Variants in ZNF705B observed in about 807,000 individuals in gnomAD.
ZNF705B encodes the protein zinc finger protein 705B, also known as Putative zinc finger protein 705D-like protein LOC100132396.
Under a neutral mutation model 10.5 loss-of-function variants are expected in ZNF705B, and 1 was observed. That is an observed-to-expected ratio of 0.10 (90% CI 0.03 to 0.45). The LOEUF (loss-of-function observed/expected upper bound fraction) is 0.45, where lower values mean the gene tolerates loss of function less well. Ranked by LOEUF, ZNF705B falls within the 20% of genes least tolerant of loss-of-function variation. ZNF705B has a pLI of 0.97. For missense variants in ZNF705B, 14 were observed against 84.0 expected (o/e 0.17, Z 3.26); for synonymous variants, 4 against 25.4 (o/e 0.16, Z 2.53).
rs1345880283 is a variant in ZNF705B at position 7,941,027 on chromosome 8, T to G, written c.-71-6324T>G. Among the ~76,000 whole-genome samples the G allele has an allele frequency of 2.0e-5, 3 of 149,344 alleles. No homozygotes were observed. In the Admixed American group the frequency reaches 2.0e-4, roughly 10 times the overall value. On this transcript the variant is annotated intron_variant, in intron 2 of 6. Transcript: ENST00000400120. ...CTGCAAAGAACATGATCTCATTCCT[T>G]TTTATGGCTGCATAGTATTCCATGG...
At chr8:7,927,790 A>G (rs571265345) in intron 1 of ZNF705B, among the ~76,000 whole-genome samples, 3 of 147,854 alleles carry the variant, frequency 2.0e-5, no homozygotes, top group Non-Finnish European at 4.5e-5. Context: ...AATTGTCTCT[A>G]TTTTTGCAAA....
At position 7,932,341 on chromosome 8, in the gene ZNF705B, T is replaced by C. The variant is rs1205317493; in HGVS notation, c.-72+1905T>C. Among the ~76,000 whole-genome samples, 2 of 121,422 alleles carry C rather than the reference T, an allele frequency of 1.6e-5. 1 individual carries two copies. Among genetic ancestry groups the C allele is most frequent in the Non-Finnish European group, 4.0e-5 (2 of 50,598 alleles). 79.7% of individuals were successfully genotyped at this position (121,422 alleles called of 152,430 possible). On this transcript the variant is annotated intron_variant, in intron 2 of 6. Coordinates refer to ENST00000400120, the MANE Select transcript of ZNF705B (RefSeq NM_001193630.1). ...TCCTCGTCAATTTGCTGCTGAATTC[T>C]AGTGCCCTCTTTCGTGCCCTCTTCA...
At chr8:7,932,098 C>T (rs1460072771) in intron 2 of ZNF705B, among the ~76,000 whole-genome samples, 1 of 120,682 alleles carries the variant, frequency 8.3e-6, no homozygotes, top group Admixed American at 9.5e-5. Context: ...GGGACAATGA[C>T]CATCACATAG....
chr8:7,938,955 TC>T (rs1820090012), intron 2 of ZNF705B, among the ~76,000 whole-genome samples: 7 of 76,394 alleles, frequency 9.2e-5, no homozygotes, highest in African/African-American at 2.7e-4. Flanking sequence ...AGACTGAGAA[TC>T]CTTTTTTTTT....
At chr8:7,928,297 G>T (rs1230009385) in intron 1 of ZNF705B, among the ~76,000 whole-genome samples, 1 of 120,422 alleles carries the variant, frequency 8.3e-6, no homozygotes, top group Non-Finnish European at 2.0e-5. Flanking sequence ...ACAGATGAAT[G>T]GGGAGACAGA....
At chr8:7,935,655 CA>C (rs1483014831) in intron 2 of ZNF705B, among the ~76,000 whole-genome samples, 1 of 113,636 alleles carries the variant, frequency 8.8e-6, no homozygotes, top group African/African-American at 2.6e-5. Context: ...TCAATGGTCA[CA>C]AAGCAGTTAG....
chr8:7,936,890 T>C lies in ZNF705B; in HGVS notation c.-72+6454T>C, dbSNP rs1484924857. On this transcript the variant is annotated intron_variant, in intron 2 of 6. Coordinates refer to ENST00000400120, the MANE Select transcript of ZNF705B (RefSeq NM_001193630.1). ...TAAAGGTTGAAGTTATTTTTAAAAA[T>C]TGAAATTACAAAAGACTTTTTAAAA... 1.7e-5 allele frequency among the ~76,000 whole-genome samples: 2 copies of C among 119,650 alleles called. 1 individual carries two copies. Among genetic ancestry groups the C allele is most frequent in the Non-Finnish European group, 4.0e-5 (2 of 50,294 alleles). 78.5% of individuals were successfully genotyped at this position (119,650 alleles called of 152,430 possible).
In ZNF705B at chr8:7,932,187, A is replaced by G. The variant is rs1329910878; in HGVS notation, c.-72+1751A>G. On this transcript the variant is annotated intron_variant, in intron 2 of 6. Transcript: ENST00000400120. ...TCCCTTGGCTAGGATTGCAGTGTCC[A>G]CAGTGGGAATATGGACCACTGGGGC... Among the ~76,000 whole-genome samples, 2 of 121,214 alleles carry G rather than the reference A, an allele frequency of 1.6e-5. 1 individual carries two copies. Among genetic ancestry groups the G allele is most frequent in the Non-Finnish European group, 4.0e-5 (2 of 50,484 alleles). The allele number at this position is 121,214 out of a possible 152,430, so 79.5% of individuals were successfully genotyped here.
intron 2 of ZNF705B, among the ~76,000 whole-genome samples, chr8:7,931,089 G>A (rs1474388028): frequency 1.7e-4 from 20 of 120,032 alleles, no homozygotes; most frequent in African/African-American, 5.0e-4. Context: ...CCGACCTCGG[G>A]TGATCTGCCC....
intron 1 of ZNF705B, among the ~76,000 whole-genome samples, chr8:7,927,761 A>T (rs1819738020): frequency 6.8e-6 from 1 of 147,784 alleles, no homozygotes; most frequent in African/African-American, 2.4e-5. Flanking sequence ...GAGCTCTTTT[A>T]TTCTTAGGTA....
At chr8:7,946,557 TCTCA>T (rs1373870143) in intron 2 of ZNF705B, among the ~76,000 whole-genome samples, 645 of 11,362 alleles carry the variant, frequency 0.057, 15 homozygotes, top group Non-Finnish European at 0.11. Flanking sequence ...TGAGACAGAG[TCTCA>T]CTCTGTCGCC....
intron 1 of ZNF705B, among the ~76,000 whole-genome samples, chr8:7,929,584 G>C (rs1259399245): frequency 8.1e-6 from 1 of 123,472 alleles, no homozygotes; most frequent in African/African-American, 2.5e-5. Context: ...ACTTGGATCT[G>C]TAATCATGAG....
At chr8:7,930,088 G>A (rs947101402) in intron 1 of ZNF705B, among the ~76,000 whole-genome samples, 199 bp from the exon 2 acceptor site, 4 of 108,030 alleles carry the variant, frequency 3.7e-5, no homozygotes, top group African/African-American at 1.1e-4. Context: ...TCATTACCCT[G>A]GTACTGAACA....
Position 7,944,963 on chromosome 8 carries a change from T to G in ZNF705B, c.-71-2388T>G, listed in dbSNP as rs1461154146. Reference sequence around the variant, plus strand: ...CCAGCCTGGGCAACAGGAGTGAAACTCTACCAAAAAAAAAAAAAAAAGAGA... The same window carrying G: ...CCAGCCTGGGCAACAGGAGTGAAACGCTACCAAAAAAAAAAAAAAAAGAGA... On this transcript the variant is annotated intron_variant, in intron 2 of 6. Transcript: ENST00000400120. Among the ~76,000 whole-genome samples, 70 of 36,796 alleles carry G rather than the reference T, an allele frequency of 1.9e-3. 2 individuals are homozygous for G. Among genetic ancestry groups the G allele is most frequent in the African/African-American group, 3.5e-3 (69 of 19,638 alleles). The allele number at this position is 36,796 out of a possible 152,430, so 24.1% of individuals were successfully genotyped here.
intron 2 of ZNF705B, among the ~76,000 whole-genome samples, chr8:7,935,392 C>A (rs1819983521): frequency 6.8e-6 from 1 of 147,302 alleles, no homozygotes; most frequent in Non-Finnish European, 1.5e-5. Context: ...GGATAGGCCA[C>A]ACACTCTGAG....
rs1162997944 is a variant in ZNF705B, at chr8:7,933,929, C to CT, written c.-72+3522dup. On this transcript the variant is annotated intron_variant, in intron 2 of 6. Coordinates refer to ENST00000400120, the MANE Select transcript of ZNF705B (RefSeq NM_001193630.1). Reference sequence around the variant, plus strand: ...ATCAAGTCATAACATGTAATATAAACTTTTTTTTTTTTTTTTTTTTTTTTT... The same window carrying CT: ...ATCAAGTCATAACATGTAATATAAACTTTTTTTTTTTTTTTTTTTTTTTTTT... 6.6e-3 allele frequency among the ~76,000 whole-genome samples: 193 copies of CT among 29,364 alleles called. 13 individuals are homozygous for CT. The highest frequency in any genetic ancestry group is 0.01 in the African/African-American group (134 of 12,816). 19.3% of individuals were successfully genotyped at this position (29,364 alleles called of 152,430 possible).
chr8:7,931,748 A>T (rs1255003510), intron 2 of ZNF705B, among the ~76,000 whole-genome samples: 1 of 130,604 alleles, frequency 7.7e-6, no homozygotes, highest in Non-Finnish European at 1.8e-5. Flanking sequence ...TGGGAAGGTG[A>T]CTCTCCACTT....
chr8:7,931,846 G>T lies in ZNF705B; in HGVS notation c.-72+1410G>T, dbSNP rs532024807. The stretch of plus-strand genomic sequence containing the variant: ...CCAGTTCCCTGGAGTGTAGGACACT[G>T]TGTAGGCTAGAGTGATGGGGACCAA... On this transcript the variant is annotated intron_variant, in intron 2 of 6. Transcript: ENST00000400120. 2.4e-5 allele frequency among the ~76,000 whole-genome samples: 3 copies of T among 126,436 alleles called. No individual in the cohort carries two copies. In the South Asian group the frequency reaches 7.9e-4, roughly 33 times the overall value. 82.9% of individuals were successfully genotyped at this position (126,436 alleles called of 152,430 possible). A position where few individuals can be genotyped will look rare whatever the true frequency, so the allele number is the denominator to read the frequency against.
rs1177622291 is a variant in ZNF705B at position 7,928,958 on chromosome 8, C to T, written c.-221-1329C>T. Among the ~76,000 whole-genome samples, 10 of 114,252 alleles carry T rather than the reference C, an allele frequency of 8.8e-5. 1 individual carries two copies. The highest frequency in any genetic ancestry group is 3.1e-4 in the South Asian group (1 of 3,196). The allele number at this position is 114,252 out of a possible 152,430, so 75.0% of individuals were successfully genotyped here. A position where few individuals can be genotyped will look rare whatever the true frequency, so the allele number is the denominator to read the frequency against. ...TTTAGAGACTCAGAAGGCCGCAGGG[C>T]TAGGAATACAAAACTACCTATTAGG... On this transcript the variant is annotated intron_variant, in intron 1 of 6. Transcript: ENST00000400120.
Sources: gnomAD v4.1 joint callset for allele counts (sites outside exome capture counted in the v4.1 genomes callset) on GRCh38, gnomAD v4.1.1 for gene constraint, MANE v1.5 for transcripts, NCBI Gene and HGNC (gene_info 2026-07-23, HGNC 2026-07-21) for gene names.